The following TSC22D1 variants were observed in gnomAD, a reference collection of about 807,000 sequenced individuals.
TSC22D1 encodes TSC22 domain family member 1, also known as TSC22 domain family protein 1.
TSC22D1 carries 9 observed loss-of-function variants against 74.2 expected under a neutral mutation model. The observed-to-expected ratio is 0.12, with a 90% CI of 0.07 to 0.21. The LOEUF (loss-of-function observed/expected upper bound fraction) is 0.21, where lower values mean the gene tolerates loss of function less well. TSC22D1 is among the 10% of genes least tolerant of loss of function. TSC22D1 has a pLI of 1.00. For synonymous variants in TSC22D1, 586 were observed against 492.5 expected (o/e 1.19, Z -2.51); for missense variants, 1,427 against 1,304.7 (o/e 1.09, Z -1.44).
intron 1 of TSC22D1, among the ~76,000 whole-genome samples, chr13:44,516,077 G>A (rs2138023530): frequency 6.6e-6 from 1 of 152,230 alleles, no homozygotes; most frequent in Middle Eastern, 3.4e-3. Flanking sequence ...AGAAAGTGGG[G>A]TTGATTTTAA....
intron 1 of TSC22D1, chr13:44,537,377 C>G: frequency 4.1e-6 from 4 of 985,136 alleles, no homozygotes; most frequent in Non-Finnish European, 4.8e-6. Context: ...AATGCACTTA[C>G]ATTTCCTTTT....
At chr13:44,509,950 C>CAAAAAAAAAAAAAAAAACAAAAAAAAAAA (rs1879616806) in intron 1 of TSC22D1, among the ~76,000 whole-genome samples, 1 of 51,426 alleles carries the variant, frequency 1.9e-5, no homozygotes, top group Admixed American at 2.7e-4. Context: ...AGAAAATAAG[C>CAAAAAAAAAAAAAAAAACAAAAAAAAAAA]AAAAAAAAAA....
intron 1 of TSC22D1, among the ~76,000 whole-genome samples, chr13:44,442,396 TA>T (rs1211197103): frequency 2.6e-5 from 4 of 152,302 alleles, no homozygotes; most frequent in Non-Finnish European, 5.9e-5. Flanking sequence ...CAGTTATAAC[TA>T]TATTTCATAT....
chr13:44,450,273 A>AG (rs1332242316), intron 1 of TSC22D1, among the ~76,000 whole-genome samples: 5 of 151,600 alleles, frequency 3.3e-5, no homozygotes, highest in African/African-American at 1.2e-4. Context: ...ATGGAATAGG[A>AG]GGTTGGAGTT....
intron 1 of TSC22D1, among the ~76,000 whole-genome samples, chr13:44,498,582 G>A (rs1036225918): frequency 6.6e-6 from 1 of 152,050 alleles, no homozygotes; most frequent in Admixed American, 6.6e-5. Flanking sequence ...TAATCCCCCA[G>A]TAGACTCTCA....
intron 1 of TSC22D1, chr13:44,437,255 AACCGTCTGAGCT>A: frequency 2.0e-6 from 2 of 985,474 alleles, no homozygotes; most frequent in Non-Finnish European, 2.4e-6. Flanking sequence ...TTGTAACCCG[AACCGTCTGAGCT>A]ACTGGGCATG....
intron 2 of TSC22D1, chr13:44,435,139 C>T (rs963135206): frequency 2.0e-5 from 8 of 409,122 alleles, no homozygotes; most frequent in African/African-American, 4.2e-5. Context: ...GTAAGGCTTC[C>T]TGAGACTGGG....
intron 1 of TSC22D1, among the ~76,000 whole-genome samples, chr13:44,441,771 TAAATA>T (rs1875225320): frequency 6.6e-6 from 1 of 152,154 alleles, no homozygotes; most frequent in South Asian, 2.1e-4. Context: ...TTAAAAAATT[TAAATA>T]AAATAAATTT....
intron 1 of TSC22D1, among the ~76,000 whole-genome samples, chr13:44,469,175 C>T (rs925855006): frequency 6.6e-6 from 1 of 152,184 alleles, no homozygotes; most frequent in Admixed American, 6.5e-5. Flanking sequence ...AGGGTACCTA[C>T]AGGGTAAGCC....
chr13:44,570,964 A>C (rs1883723635), intron 1 of TSC22D1, among the ~76,000 whole-genome samples: 2 of 152,212 alleles, frequency 1.3e-5, no homozygotes, highest in Non-Finnish European at 2.9e-5. Flanking sequence ...CACAATAAAG[A>C]ATATAATATA....
chr13:44,433,868 A>G lies in TSC22D1; in HGVS notation c.*758T>C, dbSNP rs528284332. 3.9e-6 allele frequency: 4 copies of G among 1,021,094 alleles called. No individual in the cohort carries two copies. In the South Asian group the frequency reaches 7.2e-5, roughly 18 times the overall value. The allele number at this position is 1,021,094 out of a possible 1,614,324, so 63.3% of individuals were successfully genotyped here. ...AGTTTTTATGTAGATCTATATATAA[A>G]AGTCCACACCTCCTCAGACAGCCAA... is the stretch of plus-strand genomic sequence containing the variant. On this transcript the variant is annotated 3_prime_UTR_variant, in exon 3 of 3. Coordinates refer to ENST00000458659, the MANE Select transcript of TSC22D1 (RefSeq NM_183422.4).
intron 1 of TSC22D1, among the ~76,000 whole-genome samples, chr13:44,551,389 G>GGTGGGTGT (rs1298469090): frequency 2.6e-4 from 33 of 125,306 alleles, no homozygotes; most frequent in African/African-American, 9.3e-4. Context: ...CAATCAGATG[G>GGTGGGTGT]GTGTGTGTGT....
intron 1 of TSC22D1, among the ~76,000 whole-genome samples, chr13:44,542,117 G>A (rs1039678676): frequency 3.3e-5 from 5 of 151,870 alleles, no homozygotes; most frequent in South Asian, 2.1e-4. Flanking sequence ...ATTAAGATAC[G>A]ATTTTCCAAA....
At chr13:44,532,337 T>A (rs1405815970) in intron 1 of TSC22D1, among the ~76,000 whole-genome samples, 2 of 152,196 alleles carry the variant, frequency 1.3e-5, no homozygotes, top group African/African-American at 4.8e-5. Context: ...GATAAATATT[T>A]AAGGAGAAAG....
intron 1 of TSC22D1, among the ~76,000 whole-genome samples, chr13:44,517,829 G>GTATA (rs1555269397): frequency 0.011 from 155 of 14,116 alleles, 6 homozygotes; most frequent in South Asian, 0.034. Context: ...GTGTGTGTGT[G>GTATA]TATATATATA....
At chr13:44,566,938 G>A (rs535660022) in intron 1 of TSC22D1, among the ~76,000 whole-genome samples, 1 of 152,184 alleles carries the variant, frequency 6.6e-6, no homozygotes, top group South Asian at 2.1e-4. Context: ...GGGGGAGAAG[G>A]TGCTAAAATT....
intron 1 of TSC22D1, among the ~76,000 whole-genome samples, chr13:44,455,511 GC>G (rs1876512310): frequency 6.6e-6 from 1 of 152,156 alleles, no homozygotes; most frequent in Admixed American, 6.5e-5. Flanking sequence ...GGTATTACAT[GC>G]CACTTTATAT....
intron 1 of TSC22D1, among the ~76,000 whole-genome samples, chr13:44,540,972 G>A (rs565419554): frequency 1.7e-4 from 26 of 152,106 alleles, no homozygotes; most frequent in Non-Finnish European, 3.4e-4. Context: ...CTTGTTCTAC[G>A]GAGTACAGTC....
chr13:44,535,343 T>C (rs1471299647), intron 1 of TSC22D1, among the ~76,000 whole-genome samples: 1 of 152,058 alleles, frequency 6.6e-6, no homozygotes, highest in Non-Finnish European at 1.5e-5. Flanking sequence ...ATGTACATAT[T>C]AGTGGAAAAA....
Sources: gnomAD v4.1 joint callset for allele counts (sites outside exome capture counted in the v4.1 genomes callset) on GRCh38, gnomAD v4.1.1 for gene constraint, MANE v1.5 for transcripts, NCBI Gene and HGNC (gene_info 2026-07-23, HGNC 2026-07-21) for gene names.